Variants in KIAA1328 observed in about 807,000 individuals in gnomAD.
KIAA1328 encodes the protein KIAA1328.
Under a neutral mutation model 68.1 loss-of-function variants are expected in KIAA1328, and 52 were observed. That is an observed-to-expected ratio of 0.76 (90% confidence interval 0.61 to 0.96). KIAA1328 has a LOEUF of 0.96. KIAA1328 is among the 40% of genes least tolerant of loss of function. KIAA1328 has a pLI of 0.00. For synonymous variants in KIAA1328, 232 were observed against 239.4 expected (o/e 0.97, Z 0.28); for missense variants, 641 against 677.6 (o/e 0.95, Z 0.60).
chr18:37,052,063 C>A (rs937736177), intron 6 of KIAA1328, among the ~76,000 whole-genome samples: 5 of 151,728 alleles, frequency 3.3e-5, no homozygotes, highest in Admixed American at 3.3e-4. Context: ...AACTACAGGC[C>A]AGTATCCCTG....
At chr18:37,186,948 C>T (rs1427340233) in intron 9 of KIAA1328, among the ~76,000 whole-genome samples, 2 of 152,086 alleles carry the variant, frequency 1.3e-5, no homozygotes, top group African/African-American at 4.8e-5. Flanking sequence ...CCAAGGTTGG[C>T]GGATCACCTG....
chr18:36,874,694 C>T (rs1205763975), intron 4 of KIAA1328, among the ~76,000 whole-genome samples: 2 of 152,140 alleles, frequency 1.3e-5, no homozygotes, highest in African/African-American at 4.8e-5. Flanking sequence ...AATTAGAACC[C>T]ATTTGTAAAT....
chr18:36,952,361 T>A (rs1234602798), intron 5 of KIAA1328, among the ~76,000 whole-genome samples: 1 of 152,218 alleles, frequency 6.6e-6, no homozygotes, highest in Admixed American at 6.5e-5. Context: ...CTGGAACATG[T>A]TATCCTTATT....
At chr18:37,032,464 G>A (rs1471240661) in intron 6 of KIAA1328, among the ~76,000 whole-genome samples, 1 of 151,506 alleles carries the variant, frequency 6.6e-6, no homozygotes, top group Admixed American at 6.6e-5. Flanking sequence ...TTTATACCTG[G>A]AGATAGATGT....
At chr18:36,999,631 C>G (rs78254523) in intron 6 of KIAA1328, among the ~76,000 whole-genome samples, 2 of 152,060 alleles carry the variant, frequency 1.3e-5, no homozygotes, top group African/African-American at 2.4e-5. Flanking sequence ...AGGGCTCAAA[C>G]AAAACAAAAT....
chr18:36,898,253 C>T (rs184713469), intron 5 of KIAA1328, among the ~76,000 whole-genome samples: 5 of 152,012 alleles, frequency 3.3e-5, no homozygotes, highest in Admixed American at 2.0e-4. Context: ...ATTCAGATTT[C>T]TGTTGCCTGA....
chr18:37,047,092 A>G (rs938363991), intron 6 of KIAA1328, among the ~76,000 whole-genome samples: 1 of 152,166 alleles, frequency 6.6e-6, no homozygotes, highest in Admixed American at 6.6e-5. Flanking sequence ...GGGTGACAGA[A>G]TGTGTGGTTC....
At chr18:37,098,365 C>A (rs984709941) in intron 7 of KIAA1328, among the ~76,000 whole-genome samples, 3 of 152,134 alleles carry the variant, frequency 2.0e-5, no homozygotes, top group Admixed American at 1.3e-4. Flanking sequence ...TGTTTATATG[C>A]TGGATTACAT....
intron 9 of KIAA1328, among the ~76,000 whole-genome samples, chr18:37,204,677 G>A (rs1016999561): frequency 1.4e-5 from 2 of 147,366 alleles, no homozygotes; most frequent in Admixed American, 1.4e-4. Context: ...AAAGGCCAGT[G>A]AAGTTTTATA....
chr18:37,089,652 G>C (rs2151828406), intron 7 of KIAA1328, among the ~76,000 whole-genome samples: 1 of 152,220 alleles, frequency 6.6e-6, no homozygotes, highest in South Asian at 2.1e-4. Flanking sequence ...TGGGATTACA[G>C]GCGTGAATCA....
intron 6 of KIAA1328, among the ~76,000 whole-genome samples, chr18:37,012,851 T>G (rs1404804473): frequency 1.3e-5 from 2 of 152,214 alleles, no homozygotes; most frequent in African/African-American, 2.4e-5. Flanking sequence ...CATAGCTATT[T>G]CTTTCTTTTA....
At chr18:37,014,650 A>T (rs1181745098) in intron 6 of KIAA1328, among the ~76,000 whole-genome samples, 1 of 152,266 alleles carries the variant, frequency 6.6e-6, no homozygotes, top group East Asian at 1.9e-4. Flanking sequence ...AAATGGCCAG[A>T]GCAGGAGGAA....
intron 5 of KIAA1328, among the ~76,000 whole-genome samples, chr18:36,931,383 G>A (rs548508788): frequency 4.6e-5 from 7 of 151,970 alleles, no homozygotes; most frequent in Non-Finnish European, 1.0e-4. Context: ...ATTGTGAACT[G>A]TACACGCGAG....
chr18:37,100,195 C>T (rs1425949871), intron 7 of KIAA1328, among the ~76,000 whole-genome samples: 2 of 152,140 alleles, frequency 1.3e-5, no homozygotes, highest in African/African-American at 2.4e-5. Flanking sequence ...GTGCAGTGCA[C>T]CAAGTGTGAG....
chr18:36,941,088 G>C lies in KIAA1328; in HGVS notation c.449-18220G>C, dbSNP rs1004006946. Among the ~76,000 whole-genome samples, 6 of 152,110 alleles carry C rather than the reference G, an allele frequency of 3.9e-5. No homozygotes were observed. The South Asian group carries it at 6.2e-4, about 16-fold the overall frequency. The stretch of plus-strand genomic sequence containing the variant: ...TCAGTTGGACGTTTACTCACCTCAG[G>C]CTTCTGGAAAGATCTTGGTTGTCAA... On this transcript the variant is annotated intron_variant, in intron 5 of 9. Transcript: ENST00000280020.
At chr18:36,987,802 T>A (rs545463455) in intron 6 of KIAA1328, among the ~76,000 whole-genome samples, 3 of 152,190 alleles carry the variant, frequency 2.0e-5, no homozygotes, top group African/African-American at 7.2e-5. Flanking sequence ...TGATTGCATG[T>A]CAGTCATATC....
chr18:37,039,815 A>G (rs1366039173), intron 6 of KIAA1328, among the ~76,000 whole-genome samples: 2 of 152,188 alleles, frequency 1.3e-5, no homozygotes, highest in Admixed American at 1.3e-4. Flanking sequence ...GTTGAACTTC[A>G]CTGGGTTCTC....
At chr18:37,095,695 G>A (rs1051972987) in intron 7 of KIAA1328, among the ~76,000 whole-genome samples, 4 of 151,998 alleles carry the variant, frequency 2.6e-5, no homozygotes, top group Admixed American at 6.6e-5. Context: ...AATACATAGG[G>A]CCAATGAAAT....
intron 3 of KIAA1328, among the ~76,000 whole-genome samples, chr18:36,836,561 T>A (rs2150773087): frequency 6.6e-6 from 1 of 152,278 alleles, no homozygotes; most frequent in South Asian, 2.1e-4. Context: ...ACATTTTACT[T>A]ATGTGCACAG....
Sources: gnomAD v4.1 joint callset for allele counts (sites outside exome capture counted in the v4.1 genomes callset) on GRCh38, gnomAD v4.1.1 for gene constraint, MANE v1.5 for transcripts, NCBI Gene and HGNC (gene_info 2026-07-23, HGNC 2026-07-21) for gene names.